SGCZ: variants seen among roughly 807,000 people sequenced by gnomAD.
SGCZ encodes zeta-sarcoglycan.
A neutral mutation model predicts 41.3 loss-of-function variants in SGCZ; 40 were observed. The ratio of observed to expected loss-of-function variants is 0.97; its 90% CI spans 0.75 to 1.26. The LOEUF is 1.26. Among genes scored for constraint, SGCZ ranks in the 50% most tolerant of loss-of-function variants. The pLI is 0.00. For missense variants in SGCZ, 552 were observed against 369.8 expected (o/e 1.49, Z -4.04); for synonymous variants, 206 against 137.5 (o/e 1.50, Z -3.49).
At chr8:15,013,557 C>G (rs1244842176) in intron 1 of SGCZ, among the ~76,000 whole-genome samples, 1 of 152,216 alleles carries the variant, frequency 6.6e-6, no homozygotes, top group South Asian at 2.1e-4. Context: ...GATTCCTCCT[C>G]TATAGGTATC....
chr8:14,375,700 T>C (rs1023846170), intron 2 of SGCZ, among the ~76,000 whole-genome samples: 5 of 152,096 alleles, frequency 3.3e-5, no homozygotes, highest in African/African-American at 9.7e-5. Flanking sequence ...TACCCAAACA[T>C]ATGGGAAACA....
At chr8:15,115,712 A>T (rs554413284) in intron 1 of SGCZ, among the ~76,000 whole-genome samples, 80 of 152,338 alleles carry the variant, frequency 5.3e-4, no homozygotes, top group African/African-American at 1.9e-3. Flanking sequence ...CATTGTGCAA[A>T]TGTCTCTTTA....
intron 1 of SGCZ, among the ~76,000 whole-genome samples, chr8:15,020,296 C>T (rs978758833): frequency 6.6e-6 from 1 of 152,144 alleles, no homozygotes; most frequent in East Asian, 1.9e-4. Context: ...ATCCCACACA[C>T]TTTATCTCTG....
intron 2 of SGCZ, among the ~76,000 whole-genome samples, chr8:14,517,875 CT>C (rs1171829880): frequency 6.6e-6 from 1 of 151,472 alleles, no homozygotes; most frequent in Non-Finnish European, 1.5e-5. Flanking sequence ...TTTTAAATCT[CT>C]TTTTGATGAC....
chr8:14,107,726 C>A (rs866473722), intron 6 of SGCZ, among the ~76,000 whole-genome samples: 1 of 152,124 alleles, frequency 6.6e-6, no homozygotes, highest in Non-Finnish European at 1.5e-5. Context: ...GCAGCCACGA[C>A]CTCCTGGGCT....
At chr8:14,666,996 G>A (rs112757124) in intron 1 of SGCZ, among the ~76,000 whole-genome samples, 4,339 of 152,070 alleles carry the variant, frequency 0.029, 78 homozygotes, top group Non-Finnish European at 0.04. Flanking sequence ...AATCGCTAAT[G>A]AGCATAGCAA....
chr8:14,102,069 G>C (rs1156614671), intron 7 of SGCZ, among the ~76,000 whole-genome samples: 1 of 126,184 alleles, frequency 7.9e-6, no homozygotes, highest in Non-Finnish European at 1.6e-5. Flanking sequence ...ACTATGCTTG[G>C]CTAACTTTAT....
chr8:14,679,339 G>C (rs932155233), intron 1 of SGCZ, among the ~76,000 whole-genome samples: 1 of 151,756 alleles, frequency 6.6e-6, no homozygotes, highest in Non-Finnish European at 1.5e-5. Context: ...TTTTATCATA[G>C]GAGATGACAA....
At chr8:14,422,707 A>G (rs1300949403) in intron 2 of SGCZ, among the ~76,000 whole-genome samples, 1 of 152,216 alleles carries the variant, frequency 6.6e-6, no homozygotes, top group Non-Finnish European at 1.5e-5. Flanking sequence ...AGTTTTTAGG[A>G]CAAGTCTAGA....
At chr8:14,450,985 A>T (rs559160527) in intron 2 of SGCZ, among the ~76,000 whole-genome samples, 15 of 152,328 alleles carry the variant, frequency 9.8e-5, no homozygotes, top group Non-Finnish European at 1.9e-4. Context: ...TTATGATTCA[A>T]TGTGCTGTGC....
intron 1 of SGCZ, among the ~76,000 whole-genome samples, chr8:14,996,642 G>A (rs996429412): frequency 6.6e-6 from 1 of 152,174 alleles, no homozygotes; most frequent in Admixed American, 6.5e-5. Flanking sequence ...ATAACCAAGA[G>A]GCTGTGTATT....
chr8:15,237,468 CTCG>C, intron 1 of SGCZ, 114 bp downstream of exon 1: 1 of 1,272,434 alleles, frequency 7.9e-7, no homozygotes, highest in Non-Finnish European at 1.1e-6. Context: ...CCAACGCCCC[CTCG>C]TCGTCCCGCG....
intron 1 of SGCZ, among the ~76,000 whole-genome samples, chr8:15,233,086 G>T (rs1200408037): frequency 6.6e-6 from 1 of 151,764 alleles, no homozygotes; most frequent in Non-Finnish European, 1.5e-5. Context: ...AAGAAGTTAT[G>T]ATTCCTTTAG....
intron 1 of SGCZ, among the ~76,000 whole-genome samples, chr8:14,984,699 T>G (rs976680844): frequency 3.3e-5 from 5 of 152,206 alleles, no homozygotes; most frequent in Admixed American, 3.3e-4. Context: ...AATAATGTAA[T>G]ATGAAAAATT....
chr8:14,985,339 A>T (rs1801795782), intron 1 of SGCZ, among the ~76,000 whole-genome samples: 1 of 152,162 alleles, frequency 6.6e-6, no homozygotes, highest in African/African-American at 2.4e-5. Flanking sequence ...CGTTTTATAC[A>T]TGAGAAGGCA....
chr8:14,808,413 G>C (rs1175996667), intron 1 of SGCZ, among the ~76,000 whole-genome samples: 1 of 152,184 alleles, frequency 6.6e-6, no homozygotes, highest in South Asian at 2.1e-4. Context: ...CCATCAAAAA[G>C]TGGGCAAAGG....
chr8:14,675,315 C>G (rs532104188), intron 1 of SGCZ, among the ~76,000 whole-genome samples: 1 of 152,058 alleles, frequency 6.6e-6, no homozygotes, highest in South Asian at 2.1e-4. Context: ...ATACAGTAGT[C>G]CATAAATAAT....
Position 14,087,590 on chromosome 8 carries a change from AT to A in SGCZ, c.*2852del, listed in dbSNP as rs1230914768. On this transcript the variant is annotated 3_prime_UTR_variant, in exon 8 of 8. Coordinates refer to ENST00000382080, the MANE Select transcript of SGCZ (RefSeq NM_139167.4). ...TAAAGGACTCATTTTTCTCAGTGTC[AT>A]TTGGGGAAGATGAAATTTATATAAG... Among the ~76,000 whole-genome samples the A allele has an allele frequency of 6.6e-6, 1 of 151,580 alleles. No individual in the cohort carries two copies. Among genetic ancestry groups the A allele is most frequent in the African/African-American group, 2.4e-5 (1 of 41,312 alleles).
At chr8:14,519,269 G>C (rs1802716853) in intron 2 of SGCZ, among the ~76,000 whole-genome samples, 1 of 152,014 alleles carries the variant, frequency 6.6e-6, no homozygotes, top group South Asian at 2.1e-4. Flanking sequence ...CTACAGTTAT[G>C]TGCAGTATCA....
Sources: gnomAD v4.1 joint callset for allele counts (sites outside exome capture counted in the v4.1 genomes callset) on GRCh38, gnomAD v4.1.1 for gene constraint, MANE v1.5 for transcripts, NCBI Gene and HGNC (gene_info 2026-07-23, HGNC 2026-07-21) for gene names.